ATRNL1: variants seen among roughly 807,000 people sequenced by gnomAD.
ATRNL1 encodes attractin-like protein 1.
In ATRNL1, 95 loss-of-function variants were observed where a neutral mutation model predicts 182.7. That is an observed-to-expected ratio of 0.52 (90% CI 0.44 to 0.62). The LOEUF is 0.62. ATRNL1 is among the 20% of genes least tolerant of loss of function. ATRNL1 has a pLI of 0.00. For missense variants in ATRNL1, 1,471 were observed against 1,679.5 expected, an observed-to-expected ratio of 0.88 and a Z score of 2.17; for synonymous variants, 576 against 568.3, an observed-to-expected ratio of 1.01 and a Z score of -0.19.
intron 10 of ATRNL1, 143 bp downstream of exon 10, chr10:115,241,868 A>G: frequency 2.9e-6 from 2 of 700,892 alleles, no homozygotes; most frequent in Non-Finnish European, 4.5e-6. Flanking sequence ...TTCTAATTTC[A>G]GCACAGTAGT....
chr10:115,511,858 A>C (rs1452377393), intron 24 of ATRNL1, among the ~76,000 whole-genome samples: 1 of 151,916 alleles, frequency 6.6e-6, no homozygotes, highest in Non-Finnish European at 1.5e-5. Flanking sequence ...GTTTCAGCTA[A>C]CTTAATTTTT....
intron 20 of ATRNL1, among the ~76,000 whole-genome samples, chr10:115,397,994 T>G (rs1844370455): frequency 6.6e-6 from 1 of 151,590 alleles, no homozygotes; most frequent in South Asian, 2.1e-4. Flanking sequence ...TAAGAAGAGA[T>G]CAGCTAGGGT....
intron 19 of ATRNL1, among the ~76,000 whole-genome samples, chr10:115,368,311 C>T (rs1304632253): frequency 6.6e-6 from 1 of 152,198 alleles, no homozygotes; most frequent in Non-Finnish European, 1.5e-5. Context: ...TCACCCCTTT[C>T]TTTGACTCGG....
At chr10:115,480,662 A>G (rs1320736305) in intron 24 of ATRNL1, among the ~76,000 whole-genome samples, 1 of 151,100 alleles carries the variant, frequency 6.6e-6, no homozygotes, top group South Asian at 2.1e-4. Context: ...ATAAAATAAT[A>G]CTGGCTATGA....
intron 28 of ATRNL1, among the ~76,000 whole-genome samples, chr10:115,886,528 A>AACAAAT (rs1190518401): frequency 3.9e-5 from 6 of 152,306 alleles, no homozygotes; most frequent in South Asian, 2.1e-4. Context: ...CAAAAACAAA[A>AACAAAT]ACAAGAACAA....
At chr10:115,438,891 A>T (rs73367416) in intron 21 of ATRNL1, among the ~76,000 whole-genome samples, 13,088 of 151,840 alleles carry the variant, frequency 0.086, 1,830 homozygotes, top group African/African-American at 0.3. Context: ...CCCCTGAGGT[A>T]TAGAGGCACC....
In ATRNL1 at chr10:115,265,202, A is replaced by G; in HGVS notation, c.1697A>G (p.Glu566Gly). Residue 566 changes from glutamate to glycine, a missense_variant, in exon 11 of 29, where the codon GAA (glutamate) becomes GGA (glycine). Physicochemically the swap from Glu to Gly is moderately conservative, Grantham distance 98. Transcript: ENST00000355044. ...GTTTTCTTTTTTCTAGCTTGTGATG[A>G]ATGGAAAATACTACCAAAACCAAAT... is the stretch of plus-strand genomic sequence containing the variant. ...DFLAYDIACD[E>G]WKILPKPNLH... 6.2e-7 allele frequency: 1 copy of G among 1,602,200 alleles called. No homozygotes were observed. Among genetic ancestry groups the G allele is most frequent in the Non-Finnish European group, 8.5e-7 (1 of 1,172,048 alleles).
intron 21 of ATRNL1, among the ~76,000 whole-genome samples, chr10:115,435,920 G>A (rs1381250495): frequency 2.0e-5 from 3 of 152,058 alleles, no homozygotes; most frequent in African/African-American, 7.2e-5. Context: ...ACTCATAACA[G>A]ACCTTCAGTT....
chr10:115,242,810 T>G (rs1554903262), intron 10 of ATRNL1, among the ~76,000 whole-genome samples: 1 of 152,078 alleles, frequency 6.6e-6, no homozygotes, highest in African/African-American at 2.4e-5. Context: ...ATTAATCATT[T>G]GATACTAGTA....
At chr10:115,270,289 T>A (rs1462708460) in intron 13 of ATRNL1, among the ~76,000 whole-genome samples, 2 of 143,680 alleles carry the variant, frequency 1.4e-5, no homozygotes, top group African/African-American at 2.6e-5. Flanking sequence ...ATATAAACAT[T>A]TGTTTATATA....
chr10:115,312,126 G>T (rs1854066031), intron 17 of ATRNL1, among the ~76,000 whole-genome samples: 1 of 151,882 alleles, frequency 6.6e-6, no homozygotes. Context: ...TTGAGATGTG[G>T]GGTACATTTC....
At chr10:115,189,709 T>C (rs1207829613) in intron 8 of ATRNL1, among the ~76,000 whole-genome samples, 1 of 152,114 alleles carries the variant, frequency 6.6e-6, no homozygotes, top group East Asian at 1.9e-4. Flanking sequence ...AGTAAAAATT[T>C]ATAGTGGGCT....
intron 19 of ATRNL1, among the ~76,000 whole-genome samples, chr10:115,390,752 C>CATTT (rs1554954152): frequency 1.3e-5 from 2 of 152,262 alleles, no homozygotes; most frequent in Non-Finnish European, 2.9e-5. Context: ...GTAGCATGGG[C>CATTT]ATTTTAACAA....
At chr10:115,154,582 T>G (rs1408741454) in intron 5 of ATRNL1, among the ~76,000 whole-genome samples, 2 of 152,148 alleles carry the variant, frequency 1.3e-5, no homozygotes, top group Admixed American at 1.3e-4. Flanking sequence ...CCTTTTTTGT[T>G]TTCCTTGAGT....
intron 5 of ATRNL1, among the ~76,000 whole-genome samples, chr10:115,151,592 G>A (rs1274061796): frequency 6.6e-6 from 1 of 152,054 alleles, no homozygotes; most frequent in Non-Finnish European, 1.5e-5. Flanking sequence ...AAATTTGTTG[G>A]AGTTCTTTGT....
chr10:115,926,255 A>G (rs1953228388), intron 28 of ATRNL1, among the ~76,000 whole-genome samples: 2 of 152,300 alleles, frequency 1.3e-5, no homozygotes, highest in South Asian at 2.1e-4. Context: ...ACACAGCTAA[A>G]GTGGTGTTAA....
chr10:115,687,211 G>T (rs1302975568), intron 26 of ATRNL1, among the ~76,000 whole-genome samples: 1 of 151,950 alleles, frequency 6.6e-6, no homozygotes, highest in Non-Finnish European at 1.5e-5. Context: ...TAGGTCTCTA[G>T]GACTTGTTCA....
chr10:115,457,157 T>C (rs900327314), intron 21 of ATRNL1, among the ~76,000 whole-genome samples: 3 of 152,006 alleles, frequency 2.0e-5, no homozygotes, highest in Admixed American at 6.6e-5. Context: ...GAAAATAATT[T>C]TGTTGAGCAA....
At chr10:115,509,498 C>T (rs1005812315) in intron 24 of ATRNL1, among the ~76,000 whole-genome samples, 7 of 151,894 alleles carry the variant, frequency 4.6e-5, no homozygotes, top group African/African-American at 1.7e-4. Flanking sequence ...CTTGAGAGAT[C>T]TGGTTGTTTA....
Sources: gnomAD v4.1 joint callset for allele counts (sites outside exome capture counted in the v4.1 genomes callset) on GRCh38, gnomAD v4.1.1 for gene constraint, MANE v1.5 for transcripts, NCBI Gene and HGNC (gene_info 2026-07-23, HGNC 2026-07-21) for gene names.